Variants in SCHIP1 observed in about 807,000 individuals in gnomAD.
SCHIP1 encodes the protein schwannomin-interacting protein 1.
Under a neutral mutation model 29.7 loss-of-function variants are expected in SCHIP1, and 8 were observed. The observed-to-expected ratio is 0.27, with a 90% CI of 0.16 to 0.49. The LOEUF (loss-of-function observed/expected upper bound fraction) is 0.49. Ranked by LOEUF, SCHIP1 falls within the 20% of genes least tolerant of loss-of-function variation. The pLI is 0.99. For missense variants in SCHIP1, 193 were observed against 294.6 expected (o/e 0.66, Z 2.52); for synonymous variants, 76 against 94.9 (o/e 0.80, Z 1.16).
At chr3:159,392,923 C>CCA in the SCHIP1 span, among the ~76,000 whole-genome samples, 1 of 152,152 alleles carries the variant, frequency 6.6e-6, no homozygotes, top group African/African-American at 2.4e-5. Context: ...GTTTACAGTC[C>CCA]CACCAACAGT....
At chr3:159,283,939 A>T in the SCHIP1 span, among the ~76,000 whole-genome samples, 3 of 152,070 alleles carry the variant, frequency 2.0e-5, no homozygotes, top group Non-Finnish European at 4.4e-5. Flanking sequence ...GTAGTTCTTT[A>T]TATGTTGCTT....
chr3:159,525,814 T>C, the SCHIP1 span, among the ~76,000 whole-genome samples: 1 of 152,240 alleles, frequency 6.6e-6, no homozygotes, highest in Admixed American at 6.5e-5. Flanking sequence ...TTGGACAGCC[T>C]GGACAGGCTA....
chr3:159,892,340 G>A lies in SCHIP1; in HGVS notation c.683+150G>A, dbSNP rs548108897. 3 of 838,606 alleles carry A rather than the reference G, an allele frequency of 3.6e-6. No individual in the cohort carries two copies. The East Asian group carries it at 8.0e-5, about 22-fold the overall frequency. The allele number at this position is 838,606 out of a possible 1,614,324, so 51.9% of individuals were successfully genotyped here. A position where few individuals can be genotyped will look rare whatever the true frequency, so the allele number is the denominator to read the frequency against. On this transcript the variant is annotated intron_variant, in intron 6 of 6. Coordinates refer to ENST00000445224, the Ensembl canonical transcript of SCHIP1. ...TCTGGTGCCAGCTGTTCAGATGGAGGGGAAGCAGAATTCCATTGTCCTTAC... is the reference window on the plus strand; with the variant it reads ...TCTGGTGCCAGCTGTTCAGATGGAGAGGAAGCAGAATTCCATTGTCCTTAC...
the SCHIP1 span, among the ~76,000 whole-genome samples, chr3:159,397,859 C>T: frequency 0.21 from 32,515 of 152,148 alleles, 3,607 homozygotes; most frequent in Middle Eastern, 0.29. Context: ...CCACCCAGTT[C>T]GAGCTTCCTG....
intron 2 of SCHIP1, among the ~76,000 whole-genome samples, chr3:159,873,622 C>T (rs150514290): frequency 6.6e-6 from 1 of 152,290 alleles, no homozygotes; most frequent in East Asian, 1.9e-4. Context: ...CTTCATAACT[C>T]AACTAATTAA....
At chr3:159,381,841 G>C in the SCHIP1 span, among the ~76,000 whole-genome samples, 3 of 152,046 alleles carry the variant, frequency 2.0e-5, no homozygotes, top group Non-Finnish European at 2.9e-5. Flanking sequence ...CAAGTGATCT[G>C]CCCACCTCAG....
At chr3:159,883,152 C>T (rs1243143545) in intron 2 of SCHIP1, among the ~76,000 whole-genome samples, 2 of 152,196 alleles carry the variant, frequency 1.3e-5, no homozygotes, top group African/African-American at 2.4e-5. Context: ...TGACTTCCAG[C>T]AGCCTTTGTA....
chr3:159,698,802 T>C, the SCHIP1 span, among the ~76,000 whole-genome samples: 1 of 151,882 alleles, frequency 6.6e-6, no homozygotes, highest in Non-Finnish European at 1.5e-5. Context: ...TGCACCACCA[T>C]GCCTGGCTAA....
At chr3:159,526,169 T>C in the SCHIP1 span, among the ~76,000 whole-genome samples, 1 of 152,212 alleles carries the variant, frequency 6.6e-6, no homozygotes, top group Non-Finnish European at 1.5e-5. Context: ...TTTCCTCAAA[T>C]GACACAACCT....
At chr3:159,564,484 C>T in the SCHIP1 span, among the ~76,000 whole-genome samples, 1 of 152,068 alleles carries the variant, frequency 6.6e-6, no homozygotes, top group African/African-American at 2.4e-5. Flanking sequence ...TCAAGTGATT[C>T]TCCTGCCTCA....
At chr3:159,762,953 CT>C in the SCHIP1 span, among the ~76,000 whole-genome samples, 1 of 152,186 alleles carries the variant, frequency 6.6e-6, no homozygotes, top group East Asian at 1.9e-4. Flanking sequence ...GAAAGAGTCT[CT>C]GGTGGCTCGC....
rs182191278 is a variant in SCHIP1, at chr3:159,858,775, C to T, written c.31-7388C>T. ...GTGCCCATCCTGGGCTTTAGATATCCGAGGCCAGCTCTCTCGTGGGTACAG... is the reference window on the plus strand; with the variant it reads ...GTGCCCATCCTGGGCTTTAGATATCTGAGGCCAGCTCTCTCGTGGGTACAG... On this transcript the variant is annotated intron_variant, in intron 1 of 6. Coordinates refer to ENST00000445224, the Ensembl canonical transcript of SCHIP1. Among the ~76,000 whole-genome samples the T allele has an allele frequency of 3.2e-4, 48 of 152,254 alleles. No homozygotes were observed. The South Asian group carries it at 5.8e-3, about 18-fold the overall frequency.
At chr3:159,537,157 C>G in the SCHIP1 span, among the ~76,000 whole-genome samples, 829 of 152,246 alleles carry the variant, frequency 5.4e-3, 6 homozygotes, top group Non-Finnish European at 8.5e-3. Context: ...CACAGAAGGG[C>G]AAGAGAAAGG....
the SCHIP1 span, among the ~76,000 whole-genome samples, chr3:159,468,027 T>A: frequency 6.6e-6 from 1 of 152,174 alleles, no homozygotes; most frequent in Non-Finnish European, 1.5e-5. Flanking sequence ...TTGTTCCAAG[T>A]GCGGCTTCTT....
the SCHIP1 span, among the ~76,000 whole-genome samples, chr3:159,426,794 T>A: frequency 6.6e-6 from 1 of 152,190 alleles, no homozygotes; most frequent in Non-Finnish European, 1.5e-5. Context: ...AATAAAATAC[T>A]GGCAAACTGA....
chr3:159,512,613 T>C, the SCHIP1 span, among the ~76,000 whole-genome samples: 1,217 of 152,338 alleles, frequency 8.0e-3, 21 homozygotes, highest in African/African-American at 0.027. Flanking sequence ...ATGAGGTACA[T>C]GAGATGTTTT....
the SCHIP1 span, among the ~76,000 whole-genome samples, chr3:159,569,610 A>G: frequency 1.3e-5 from 2 of 152,280 alleles, no homozygotes; most frequent in Non-Finnish European, 2.9e-5. Flanking sequence ...GCTATTGTGA[A>G]TAGTACTGCA....
At chr3:159,435,615 G>T in the SCHIP1 span, among the ~76,000 whole-genome samples, 1 of 152,134 alleles carries the variant, frequency 6.6e-6, no homozygotes, top group Non-Finnish European at 1.5e-5. Context: ...CAATTTCAAG[G>T]TTCATTCATA....
chr3:159,622,864 G>A, the SCHIP1 span, among the ~76,000 whole-genome samples: 1 of 152,154 alleles, frequency 6.6e-6, no homozygotes, highest in Non-Finnish European at 1.5e-5. Flanking sequence ...CTTGCAGTGA[G>A]CAGAGATTGT....
Sources: allele counts gnomAD v4.1 joint callset (sites outside exome capture counted in the v4.1 genomes callset), GRCh38; gene constraint gnomAD v4.1.1; transcripts MANE v1.5; gene names NCBI Gene and HGNC (gene_info 2026-07-23, HGNC 2026-07-21).